The following DNM3 variants were observed in gnomAD, a reference collection of about 807,000 sequenced individuals.
DNM3 encodes dynamin-3.
In DNM3, 47 loss-of-function variants were observed where a neutral mutation model predicts 101.6. The ratio of observed to expected loss-of-function variants is 0.46; its 90% CI spans 0.37 to 0.59. DNM3 has a LOEUF of 0.59. DNM3 is among the 20% of genes least tolerant of loss of function. The pLI is 0.00. For missense variants in DNM3, 849 were observed against 1,085.7 expected (o/e 0.78, Z 3.06); for synonymous variants, 385 against 387.9 (o/e 0.99, Z 0.09).
At position 172,333,524 on chromosome 1, in the gene DNM3, T is replaced by C. The variant is rs114492650; in HGVS notation, c.1893+10184T>C. ...TTAGGACCCTATTTTTTAAAGAAAC[T>C]ATAAGCAAAGAGAACTAGCACATTT... On this transcript the variant is annotated intron_variant, in intron 17 of 20. Coordinates refer to ENST00000627582, the MANE Select transcript of DNM3 (RefSeq NM_015569.5). Among the ~76,000 whole-genome samples, 729 of 152,312 alleles carry C rather than the reference T, an allele frequency of 4.8e-3. 4 individuals carry two copies. The highest frequency in any genetic ancestry group is 0.02 in the Middle Eastern group (6 of 294).
At chr1:172,113,560 C>T (rs978362285) in intron 13 of DNM3, among the ~76,000 whole-genome samples, 2 of 125,226 alleles carry the variant, frequency 1.6e-5, no homozygotes, top group South Asian at 2.8e-4. Context: ...GCGGAGGTTG[C>T]GGTGAGCTGA....
chr1:171,908,226 G>A (rs2038987741), intron 1 of DNM3, among the ~76,000 whole-genome samples: 1 of 152,106 alleles, frequency 6.6e-6, no homozygotes, highest in South Asian at 2.1e-4. Flanking sequence ...TCCCATTAAT[G>A]CAGGAGATAA....
At chr1:172,283,602 A>G (rs989326541) in intron 15 of DNM3, among the ~76,000 whole-genome samples, 2 of 151,820 alleles carry the variant, frequency 1.3e-5, no homozygotes, top group African/African-American at 4.8e-5. Flanking sequence ...TCTACTAAAA[A>G]TGCAAAAATT....
At chr1:171,872,214 A>G (rs1326632184) in intron 1 of DNM3, among the ~76,000 whole-genome samples, 1 of 152,218 alleles carries the variant, frequency 6.6e-6, no homozygotes, top group Non-Finnish European at 1.5e-5. Flanking sequence ...TTTATAACAG[A>G]AAGTTGAATT....
chr1:172,194,465 A>T (rs2059868992), intron 14 of DNM3, among the ~76,000 whole-genome samples: 1 of 152,110 alleles, frequency 6.6e-6, no homozygotes, highest in African/African-American at 2.4e-5. Context: ...GTGGGGTGTT[A>T]AAGTCTCCCA....
At chr1:172,381,679 A>G (rs558176274) in intron 18 of DNM3, among the ~76,000 whole-genome samples, 4 of 152,218 alleles carry the variant, frequency 2.6e-5, no homozygotes, top group East Asian at 1.9e-4. Context: ...GCACTGTGCC[A>G]TCTAGATGTA....
chr1:171,978,977 T>A (rs2044584111), intron 2 of DNM3, among the ~76,000 whole-genome samples: 1 of 152,004 alleles, frequency 6.6e-6, no homozygotes, highest in South Asian at 2.1e-4. Flanking sequence ...ATATATAAAA[T>A]TTTAAGGCAA....
intron 10 of DNM3, among the ~76,000 whole-genome samples, chr1:172,064,301 C>T (rs187457719): frequency 2.6e-5 from 4 of 152,044 alleles, no homozygotes; most frequent in African/African-American, 4.8e-5. Flanking sequence ...CATATTCTTA[C>T]AACTGTAGGC....
chr1:171,979,905 G>C (rs1371757630), intron 2 of DNM3, among the ~76,000 whole-genome samples: 1 of 152,170 alleles, frequency 6.6e-6, no homozygotes, highest in African/African-American at 2.4e-5. Flanking sequence ...TTTCTGCCTA[G>C]TTTGCATTTG....
At chr1:172,416,115 A>G (rs1018231849), downstream of DNM3, among the ~76,000 whole-genome samples, 8 of 152,152 alleles carry the variant, frequency 5.3e-5, no homozygotes, top group African/African-American at 1.9e-4. Context: ...TATAGTCTTG[A>G]TTAGGTAAAT....
intron 14 of DNM3, among the ~76,000 whole-genome samples, chr1:172,235,971 T>A (rs2061527735): frequency 6.6e-6 from 1 of 152,120 alleles, no homozygotes; most frequent in Non-Finnish European, 1.5e-5. Context: ...GTTGTGCACA[T>A]GTACCCTAAA....
At chr1:172,343,247 T>C (rs1212762046) in intron 17 of DNM3, among the ~76,000 whole-genome samples, 4 of 152,208 alleles carry the variant, frequency 2.6e-5, no homozygotes, top group Admixed American at 6.5e-5. Flanking sequence ...CAGGGCTTTC[T>C]TTAATCATTT....
In DNM3 at chr1:172,265,432, G is replaced by A. The variant is rs146840802; in HGVS notation, c.1769+11750G>A. ...CGAATTTCACACTCAGACTGGTTTA[G>A]CCTACATAAACTCCCGGTAAGAATA... On this transcript the variant is annotated intron_variant, in intron 15 of 20. Coordinates refer to ENST00000627582, the MANE Select transcript of DNM3 (RefSeq NM_015569.5). Among the ~76,000 whole-genome samples, 16 of 152,216 alleles carry A rather than the reference G, an allele frequency of 1.1e-4. No homozygotes were observed. The East Asian group carries it at 1.7e-3, about 17-fold the overall frequency.
chr1:172,039,760 A>G (rs1385739697), intron 7 of DNM3, among the ~76,000 whole-genome samples: 1 of 151,558 alleles, frequency 6.6e-6, no homozygotes, highest in African/African-American at 2.4e-5. Context: ...TCTCTCTTCT[A>G]TCCTTCCCTC....
chr1:171,874,101 G>A (rs533160352), intron 1 of DNM3, among the ~76,000 whole-genome samples: 3 of 152,192 alleles, frequency 2.0e-5, no homozygotes, highest in South Asian at 4.1e-4. Flanking sequence ...TGTGAACTAA[G>A]TTTTTTCAAT....
In DNM3 at chr1:172,387,226, C is replaced by A. The variant is rs761798524; in HGVS notation, c.2152C>A (p.Arg718Ser). 1.2e-6 allele frequency: 2 copies of A among 1,613,864 alleles called. No homozygotes were observed. The highest frequency in any genetic ancestry group is 2.2e-5 in the South Asian group (2 of 91,088). The change falls in exon 19 of 21, where the codon CGC (arginine) becomes AGC (serine). Residue 718 changes from arginine (R) to serine (S), a missense_variant. Physicochemically the swap from Arg to Ser is moderately radical, Grantham distance 110. This residue lies in a region of DNM3 where 256 missense variants were observed against 311.7 expected (regional missense o/e 0.82). Transcript: ENST00000627582. Reference protein sequence around the residue: ...LMEESAEQAQRRDEMLRMYQA... With the variant: ...LMEESAEQAQSRDEMLRMYQA... ...GGAGGAATCTGCTGAGCAGGCTCAG[C>A]GCCGGGATGAGATGCTTCGAATGTA... is the stretch of plus-strand genomic sequence containing the variant.
intron 2 of DNM3, among the ~76,000 whole-genome samples, chr1:171,962,122 T>C (rs2043254467): frequency 6.6e-6 from 1 of 152,212 alleles, no homozygotes; most frequent in African/African-American, 2.4e-5. Context: ...TTCATCCTCA[T>C]GGTAACCCAT....
intron 1 of DNM3, among the ~76,000 whole-genome samples, chr1:171,869,654 G>A (rs1423922106): frequency 6.6e-6 from 1 of 152,112 alleles, no homozygotes; most frequent in Non-Finnish European, 1.5e-5. Context: ...TGTCATGAAG[G>A]GTAATCATTA....
chr1:172,348,223 G>A (rs1039888441), intron 17 of DNM3, among the ~76,000 whole-genome samples: 5 of 152,104 alleles, frequency 3.3e-5, no homozygotes, highest in African/African-American at 1.2e-4. Context: ...ACATTGAGGA[G>A]GTAGGAGGAG....
Sources: allele counts gnomAD v4.1 joint callset (sites outside exome capture counted in the v4.1 genomes callset), GRCh38; gene constraint gnomAD v4.1.1; regional missense constraint gnomAD v4.1.1; transcripts MANE v1.5; gene names NCBI Gene and HGNC (gene_info 2026-07-23, HGNC 2026-07-21).